Variants in LRCH3 observed in about 807,000 individuals in gnomAD.
LRCH3 encodes the protein DISP complex protein LRCH3.
A neutral mutation model predicts 104.5 loss-of-function variants in LRCH3; 68 were observed. The observed-to-expected ratio is 0.65, with a 90% CI of 0.54 to 0.80. The LOEUF (loss-of-function observed/expected upper bound fraction) is 0.80, where lower values mean the gene tolerates loss of function less well. Among genes scored for constraint, LRCH3 ranks in the 30% least tolerant of loss-of-function variants. The pLI is 0.00. For synonymous variants in LRCH3, 344 were observed against 361.3 expected, an observed-to-expected ratio of 0.95 and a Z score of 0.54; for missense variants, 951 against 953.9, an observed-to-expected ratio of 1.00 and a Z score of 0.04.
chr3:197,836,514 G>T (rs1206348061), intron 9 of LRCH3, among the ~76,000 whole-genome samples: 2 of 152,150 alleles, frequency 1.3e-5, no homozygotes, highest in Non-Finnish European at 2.9e-5. Flanking sequence ...CTGGTTTCAG[G>T]CTCTGAGCAG....
chr3:197,846,385 C>CAAAAA lies in LRCH3; in HGVS notation c.1329-1013_1329-1009dup, dbSNP rs113781589. Reference sequence around the variant, plus strand: ...CGGCATTGCACTCCACCTTGGGCCACAAAAAAAAAAAAAAACAAAAAAAAA... The same window carrying CAAAAA: ...CGGCATTGCACTCCACCTTGGGCCACAAAAAAAAAAAAAAAAAAAACAAAAAAAAA... On this transcript the variant is annotated intron_variant, in intron 10 of 20. Transcript: ENST00000425562. Among the ~76,000 whole-genome samples the CAAAAA allele has an allele frequency of 2.9e-3, 191 of 66,670 alleles. 5 individuals are homozygous for CAAAAA. The highest frequency in any genetic ancestry group is 8.8e-3 in the African/African-American group (182 of 20,758). 43.7% of individuals were successfully genotyped at this position (66,670 alleles called of 152,430 possible).
intron 12 of LRCH3, among the ~76,000 whole-genome samples, chr3:197,849,447 C>T (rs1739259577): frequency 6.6e-6 from 1 of 152,020 alleles, no homozygotes; most frequent in Non-Finnish European, 1.5e-5. Flanking sequence ...TGTTAATGTA[C>T]TAATGGCCAT....
intron 1 of LRCH3, among the ~76,000 whole-genome samples, chr3:197,801,369 G>C (rs1251954551): frequency 6.6e-6 from 1 of 152,124 alleles, no homozygotes; most frequent in African/African-American, 2.4e-5. Flanking sequence ...ATATATTTCT[G>C]AAGTATTGGA....
Position 197,883,364 on chromosome 3 carries a change from G to C in LRCH3, c.2209-177G>C. 1 of 1,395,396 alleles carries C rather than the reference G, an allele frequency of 7.2e-7. No individual in the cohort carries two copies. 86.4% of individuals were successfully genotyped at this position (1,395,396 alleles called of 1,614,324 possible). A position where few individuals can be genotyped will look rare whatever the true frequency, so the allele number is the denominator to read the frequency against. On this transcript the variant is annotated intron_variant, in intron 20 of 20. Coordinates refer to ENST00000425562, the MANE Select transcript of LRCH3 (RefSeq NM_001365715.1). This position sits in a 1 kb window ranked among gnomAD's most constrained non-coding sequence, Gnocchi z 4.2. ...AGTTGTATTAATAAAGTGACAGTGA[G>C]TGTCAGACACCATCTCTCTAACTCA...
chr3:197,868,198 T>C (rs1711573454), intron 17 of LRCH3, among the ~76,000 whole-genome samples: 1 of 152,146 alleles, frequency 6.6e-6, no homozygotes, highest in Admixed American at 6.5e-5. Flanking sequence ...CAACCAGTCA[T>C]GGACAGAAAA....
At chr3:197,824,218 C>T (rs1734836828) in intron 4 of LRCH3, among the ~76,000 whole-genome samples, 1 of 152,080 alleles carries the variant, frequency 6.6e-6, no homozygotes, top group Admixed American at 6.6e-5. Flanking sequence ...GCGCCCGCCA[C>T]CATGCCCAGC....
intron 2 of LRCH3, 28 bp downstream of exon 2, chr3:197,815,080 T>G (rs1427465743): frequency 1.5e-6 from 2 of 1,372,148 alleles, no homozygotes; most frequent in Admixed American, 2.6e-5. Flanking sequence ...TTATTTTAAA[T>G]TTTTGGTTTT....
chr3:197,815,983 T>G (rs1733750249), intron 2 of LRCH3, among the ~76,000 whole-genome samples: 1 of 152,230 alleles, frequency 6.6e-6, no homozygotes. Context: ...ATGTAATTAT[T>G]TTGTTGTACA....
intron 17 of LRCH3, 45 bp downstream of exon 17, chr3:197,866,264 C>T (rs1741471372): frequency 3.0e-6 from 4 of 1,311,980 alleles, no homozygotes; most frequent in Non-Finnish European, 3.3e-6. Context: ...GGGAGGTTTA[C>T]ACAACGACGC....
At chr3:197,879,752 C>A (rs1269619189) in intron 20 of LRCH3, among the ~76,000 whole-genome samples, 2 of 152,142 alleles carry the variant, frequency 1.3e-5, no homozygotes, top group African/African-American at 2.4e-5. Context: ...AGTCTTTGAA[C>A]CTTTTTGATG....
intron 1 of LRCH3, among the ~76,000 whole-genome samples, chr3:197,808,162 A>G (rs1732708437): frequency 6.6e-6 from 1 of 152,186 alleles, no homozygotes; most frequent in Non-Finnish European, 1.5e-5. Context: ...CTGGGCTGTA[A>G]GTCAATACAA....
At chr3:197,831,984 G>A (rs545339) in intron 7 of LRCH3, among the ~76,000 whole-genome samples, 152,023 of 152,228 alleles carry the variant, frequency 1, 75,911 homozygotes, top group Middle Eastern at 1. Flanking sequence ...GTGGAATCCT[G>A]TCTCATTGCA....
chr3:197,836,925 G>A (rs978170143), intron 9 of LRCH3, among the ~76,000 whole-genome samples: 1 of 152,024 alleles, frequency 6.6e-6, no homozygotes, highest in South Asian at 2.1e-4. Context: ...TGATCTGCCC[G>A]CCTCAGCCTC....
chr3:197,860,804 G>A (rs933164231), intron 15 of LRCH3, among the ~76,000 whole-genome samples: 3 of 152,014 alleles, frequency 2.0e-5, no homozygotes, highest in Admixed American at 2.0e-4. Flanking sequence ...ATTATTGACT[G>A]TGATGACCAT....
chr3:197,847,265 A>C, intron 10 of LRCH3, 144 bp from the exon 11 acceptor site: 1 of 670,290 alleles, frequency 1.5e-6, no homozygotes, highest in Non-Finnish European at 2.5e-6. Flanking sequence ...TACAAAATGC[A>C]GCTACTCCTT....
At chr3:197,858,682 T>G (rs1740550975) in intron 14 of LRCH3, 152 bp from the exon 15 acceptor site, 1 of 676,842 alleles carries the variant, frequency 1.5e-6, no homozygotes, top group Non-Finnish European at 2.6e-6. Flanking sequence ...CCCCCAAATA[T>G]TCTCTTCCTG....
chr3:197,864,072 G>A (rs932068825), intron 15 of LRCH3, among the ~76,000 whole-genome samples: 4 of 152,166 alleles, frequency 2.6e-5, no homozygotes, highest in East Asian at 1.9e-4. Context: ...TTGGGAGGTC[G>A]AGGCAGGTGG....
At chr3:197,805,396 A>G (rs1216915125) in intron 1 of LRCH3, among the ~76,000 whole-genome samples, 2 of 152,204 alleles carry the variant, frequency 1.3e-5, no homozygotes, top group Admixed American at 1.3e-4. Flanking sequence ...GAGGGCTGGG[A>G]CTAAAACTGG....
chr3:197,859,128 G>A (rs1228262152), intron 15 of LRCH3: 1 of 509,910 alleles, frequency 2.0e-6, no homozygotes, highest in African/African-American at 1.9e-5. Flanking sequence ...TATTCAGATT[G>A]TTTGATGTGT....
Sources: allele counts gnomAD v4.1 joint callset (sites outside exome capture counted in the v4.1 genomes callset), GRCh38; gene constraint gnomAD v4.1.1; non-coding constraint Gnocchi (gnomAD v3.1); transcripts MANE v1.5; gene names NCBI Gene and HGNC (gene_info 2026-07-23, HGNC 2026-07-21).